GRID2: variants seen among roughly 807,000 people sequenced by gnomAD.
GRID2 encodes the protein glutamate ionotropic receptor delta type subunit 2.
A neutral mutation model predicts 114.8 loss-of-function variants in GRID2; 33 were observed. The observed-to-expected ratio is 0.29, with a 90% confidence interval of 0.22 to 0.38. The LOEUF (loss-of-function observed/expected upper bound fraction) is 0.38. Ranked by LOEUF, GRID2 falls within the 10% of genes least tolerant of loss-of-function variation. The pLI, the probability that GRID2 is intolerant of heterozygous loss-of-function variation, is 1.00. For missense variants in GRID2, 1,184 were observed against 1,257.7 expected (o/e 0.94, Z 0.89); for synonymous variants, 505 against 449.9 (o/e 1.12, Z -1.55).
intron 14 of GRID2, among the ~76,000 whole-genome samples, chr4:93,730,755 A>C (rs1305390665): frequency 6.6e-6 from 1 of 152,198 alleles, no homozygotes; most frequent in Non-Finnish European, 1.5e-5. Context: ...AGTAGGGACA[A>C]ATGTCAAGTT....
At chr4:92,308,214 T>C (rs1725514365) in intron 1 of GRID2, among the ~76,000 whole-genome samples, 1 of 152,204 alleles carries the variant, frequency 6.6e-6, no homozygotes, top group African/African-American at 2.4e-5. Flanking sequence ...CTGCACAGTT[T>C]GTGTTTTGCT....
intron 2 of GRID2, among the ~76,000 whole-genome samples, chr4:92,818,302 CT>C (rs971562720): frequency 3.3e-5 from 5 of 151,860 alleles, no homozygotes; most frequent in African/African-American, 9.7e-5. Context: ...CAGATTCCTT[CT>C]TTTTTTTGTA....
intron 14 of GRID2, among the ~76,000 whole-genome samples, chr4:93,750,831 T>C (rs1226428533): frequency 6.6e-6 from 1 of 151,782 alleles, no homozygotes; most frequent in Non-Finnish European, 1.5e-5. Flanking sequence ...GAAGAAAGAG[T>C]GGTGTCACTT....
In GRID2 at chr4:93,345,643, G is replaced by A. The variant is rs528434836; in HGVS notation, c.1246-49964G>A. Reference sequence around the variant, plus strand: ...CTTGCTTGAGGAAGCTTTTTGGTTTGATGTAATCCCATTTGTCTGTTTTGT... The same window carrying A: ...CTTGCTTGAGGAAGCTTTTTGGTTTAATGTAATCCCATTTGTCTGTTTTGT... On this transcript the variant is annotated intron_variant, in intron 8 of 15. Coordinates refer to ENST00000282020, the MANE Select transcript of GRID2 (RefSeq NM_001510.4). 2.6e-5 allele frequency among the ~76,000 whole-genome samples: 4 copies of A among 151,876 alleles called. 1 individual carries two copies. The highest frequency in any genetic ancestry group is 5.9e-5 in the Non-Finnish European group (4 of 67,928).
In GRID2 at chr4:92,691,287, G is replaced by A. The variant is rs79817371; in HGVS notation, c.244+101001G>A. 9.9e-4 allele frequency among the ~76,000 whole-genome samples: 150 copies of A among 152,050 alleles called. 2 individuals carry two copies. In the East Asian group the frequency reaches 0.025, roughly 25 times the overall value. On this transcript the variant is annotated intron_variant, in intron 2 of 15. Transcript: ENST00000282020. ...AACCTTTTCATACATTTCTTTATAT[G>A]TAACTTTGCAGGCTTTTGCTACTTT...
chr4:92,547,181 C>T (rs1328717041), intron 1 of GRID2, among the ~76,000 whole-genome samples: 1 of 152,034 alleles, frequency 6.6e-6, no homozygotes, highest in African/African-American at 2.4e-5. Context: ...GAGCTATGAG[C>T]CTCAGTTTCT....
intron 8 of GRID2, among the ~76,000 whole-genome samples, chr4:93,247,229 G>C (rs928810235): frequency 1.3e-5 from 2 of 152,146 alleles, no homozygotes; most frequent in Non-Finnish European, 2.9e-5. Context: ...TGCTTGTTGT[G>C]ATGGTTAATT....
At chr4:92,955,279 T>C (rs1162113583) in intron 2 of GRID2, among the ~76,000 whole-genome samples, 4 of 150,600 alleles carry the variant, frequency 2.7e-5, no homozygotes, top group East Asian at 3.9e-4. Flanking sequence ...CAGCACCTGT[T>C]GTTTCCTGAC....
chr4:93,412,237 C>CT (rs1261392033), intron 9 of GRID2, among the ~76,000 whole-genome samples: 1 of 150,842 alleles, frequency 6.6e-6, no homozygotes, highest in Non-Finnish European at 1.5e-5. Context: ...CATCCCCCCC[C>CT]CCCAAAAAAA....
intron 8 of GRID2, among the ~76,000 whole-genome samples, chr4:93,252,120 T>G (rs1248142618): frequency 6.6e-6 from 1 of 152,152 alleles, no homozygotes; most frequent in Non-Finnish European, 1.5e-5. Flanking sequence ...CTTTTGGTCT[T>G]CATCATGAAA....
Position 92,896,894 on chromosome 4 carries a change from G to C in GRID2, c.245-188101G>C, listed in dbSNP as rs937015030. On this transcript the variant is annotated intron_variant, in intron 2 of 15. Transcript: ENST00000282020. ...AGTAGCTGGGATTACAGGTATGTGC[G>C]ACGACGCCCGGCTAATTTTGTATTT... is the stretch of plus-strand genomic sequence containing the variant. Among the ~76,000 whole-genome samples, 4 of 152,086 alleles carry C rather than the reference G, an allele frequency of 2.6e-5. No homozygotes were observed. In the South Asian group the frequency reaches 8.3e-4, roughly 32 times the overall value.
At chr4:92,795,079 GA>G (rs1381468652) in intron 2 of GRID2, among the ~76,000 whole-genome samples, 3 of 151,550 alleles carry the variant, frequency 2.0e-5, no homozygotes, top group Non-Finnish European at 4.4e-5. Context: ...AAAGGCAGAA[GA>G]GGGGCAAGAT....
intron 2 of GRID2, among the ~76,000 whole-genome samples, chr4:92,593,971 A>G (rs1402331616): frequency 6.6e-5 from 10 of 151,554 alleles, no homozygotes; most frequent in Admixed American, 6.6e-4. Context: ...AACCTTGAGA[A>G]TTATAGGGGT....
chr4:92,703,693 A>T (rs1012159991), intron 2 of GRID2, among the ~76,000 whole-genome samples: 4 of 150,926 alleles, frequency 2.7e-5, no homozygotes, highest in African/African-American at 9.7e-5. Context: ...TACTTTGTAT[A>T]TTGCCTAGCA....
chr4:92,551,134 A>G (rs761761331), intron 1 of GRID2, among the ~76,000 whole-genome samples: 4 of 152,130 alleles, frequency 2.6e-5, no homozygotes, highest in Non-Finnish European at 4.4e-5. Context: ...AGATAGTATC[A>G]TTTTATTTTA....
intron 10 of GRID2, among the ~76,000 whole-genome samples, chr4:93,437,543 T>C (rs1721213995): frequency 6.6e-6 from 1 of 152,034 alleles, no homozygotes; most frequent in South Asian, 2.1e-4. Context: ...AGACAAAACA[T>C]AAGATTACAT....
At chr4:92,482,800 T>C (rs1722680275) in intron 1 of GRID2, among the ~76,000 whole-genome samples, 1 of 152,208 alleles carries the variant, frequency 6.6e-6, no homozygotes, top group African/African-American at 2.4e-5. Context: ...TTCTTCAAAC[T>C]CAGTATACAT....
Position 93,085,159 on chromosome 4 carries a change from A to G in GRID2, c.409A>G (p.Asn137Asp), listed in dbSNP as rs1214622074. ...GAGTGGCTGTGGACTCACCCGGAGC[A>G]ACAGGAATGATGACTACACTCTCTC... ...PRSGCGLTRS[N>D]RNDDYTLSVR... The change falls in exon 3 of 16, where the codon AAC becomes GAC. Residue 137 changes from asparagine to aspartate, a missense_variant. Asn to Asp is a conservative substitution (Grantham distance 23). Coordinates refer to ENST00000282020, the MANE Select transcript of GRID2 (RefSeq NM_001510.4). The G allele has an allele frequency of 1.2e-6, 2 of 1,614,056 alleles. No homozygotes were observed. Among genetic ancestry groups the G allele is most frequent in the Non-Finnish European group, 1.7e-6 (2 of 1,179,996 alleles).
chr4:93,622,148 A>G (rs543885194), intron 13 of GRID2, among the ~76,000 whole-genome samples: 1 of 152,282 alleles, frequency 6.6e-6, no homozygotes, highest in African/African-American at 2.4e-5. Flanking sequence ...CTGTAAATTT[A>G]GACCTAGGGA....
Sources: allele counts gnomAD v4.1 joint callset (sites outside exome capture counted in the v4.1 genomes callset), GRCh38; gene constraint gnomAD v4.1.1; transcripts MANE v1.5; gene names NCBI Gene and HGNC (gene_info 2026-07-23, HGNC 2026-07-21).